The following RANBP2 variants were observed in gnomAD, a reference collection of about 807,000 sequenced individuals.
RANBP2 encodes the protein RAN binding protein 2.
Under a neutral mutation model 303.6 loss-of-function variants are expected in RANBP2, and 57 were observed. That is an observed-to-expected ratio of 0.19 (90% CI 0.15 to 0.23). RANBP2 has a LOEUF of 0.23. Among genes scored for constraint, RANBP2 ranks in the 10% least tolerant of loss-of-function variants. RANBP2 has a pLI of 1.00. For missense variants in RANBP2, 3,138 were observed against 3,780.8 expected, an observed-to-expected ratio of 0.83 and a Z score of 4.46; for synonymous variants, 1,167 against 1,301.5, an observed-to-expected ratio of 0.90 and a Z score of 2.23.
the RANBP2 span, among the ~76,000 whole-genome samples, chr2:108,842,849 A>T: frequency 6.6e-6 from 1 of 152,226 alleles, no homozygotes; most frequent in Non-Finnish European, 1.5e-5. Context: ...CTACAACATT[A>T]TGTAGAACTT....
At chr2:108,720,765 G>C (rs1401121693) in intron 1 of RANBP2, among the ~76,000 whole-genome samples, 4 of 152,266 alleles carry the variant, frequency 2.6e-5, no homozygotes, top group Non-Finnish European at 5.9e-5. Flanking sequence ...AAGGATATTG[G>C]CGGGGCGCAG....
chr2:108,835,102 A>G, the RANBP2 span, among the ~76,000 whole-genome samples: 1 of 152,230 alleles, frequency 6.6e-6, no homozygotes, highest in African/African-American at 2.4e-5. Context: ...CTGTGTTGGA[A>G]TGGAGATCTC....
At chr2:109,129,350 GGTCCCCGCCACGCAGGC>G in the RANBP2 span, 1 of 851,268 alleles carries the variant, frequency 1.2e-6, no homozygotes, top group Middle Eastern at 3.3e-4. Context: ...CACGCAGGCC[GGTCCCCGCCACGCAGGC>G]CGGTCGGTGA....
the RANBP2 span, among the ~76,000 whole-genome samples, chr2:109,713,132 A>G: frequency 1.3e-5 from 2 of 152,134 alleles, no homozygotes; most frequent in Non-Finnish European, 2.9e-5. Flanking sequence ...TGGCCACCTG[A>G]CATTTCACAT....
chr2:108,742,934 A>T (rs916250542), intron 7 of RANBP2, among the ~76,000 whole-genome samples: 1 of 151,718 alleles, frequency 6.6e-6, no homozygotes, highest in Non-Finnish European at 1.5e-5. Flanking sequence ...GACTACAGGC[A>T]CCCACCACCA....
chr2:109,097,506 C>T, the RANBP2 span, among the ~76,000 whole-genome samples: 3 of 151,882 alleles, frequency 2.0e-5, no homozygotes, highest in Non-Finnish European at 2.9e-5. Context: ...AGCCTTATTG[C>T]TTGCCTTTCG....
the RANBP2 span, among the ~76,000 whole-genome samples, chr2:109,597,518 A>G: frequency 1.3e-5 from 2 of 152,178 alleles, no homozygotes; most frequent in Admixed American, 1.3e-4. Flanking sequence ...GGTGACCACA[A>G]TCTCGTTTCA....
chr2:108,785,388 A>G lies in RANBP2; in HGVS notation c.*1487A>G, dbSNP rs549801091. The G allele has an allele frequency of 6.6e-6, 1 of 152,362 alleles. No individual in the cohort carries two copies. The highest frequency in any genetic ancestry group is 1.5e-5 in the Non-Finnish European group (1 of 68,026). 9.4% of individuals were successfully genotyped at this position (152,362 alleles called of 1,614,324 possible). On this transcript the variant is annotated 3_prime_UTR_variant, in exon 29 of 29. Transcript: ENST00000283195. Reference sequence around the variant, plus strand: ...GCTTATTTGGAAATCTATGTAATATAAACTGATGTAAAGTGTGTTGTAACT... The same window carrying G: ...GCTTATTTGGAAATCTATGTAATATGAACTGATGTAAAGTGTGTTGTAACT...
intron 1 of RANBP2, 121 bp from the exon 2 acceptor site, chr2:108,729,011 C>T: frequency 1.6e-6 from 2 of 1,252,006 alleles, no homozygotes; most frequent in Non-Finnish European, 2.2e-6. Context: ...TTTAAAAAAA[C>T]TTTTAAGTGA....
the RANBP2 span, among the ~76,000 whole-genome samples, chr2:109,023,446 G>A: frequency 1.3e-5 from 2 of 152,188 alleles, no homozygotes; most frequent in Admixed American, 1.3e-4. Context: ...ACTGAGATGA[G>A]GTTTAAAATA....
the RANBP2 span, among the ~76,000 whole-genome samples, chr2:109,631,768 AAAAG>A: frequency 0.049 from 7,453 of 152,168 alleles, 588 homozygotes; most frequent in African/African-American, 0.17. Flanking sequence ...AAAAAAAAGA[AAAAG>A]AAAGAAATCT....
chr2:109,530,073 A>T, the RANBP2 span, among the ~76,000 whole-genome samples: 1 of 152,210 alleles, frequency 6.6e-6, no homozygotes, highest in Non-Finnish European at 1.5e-5. Flanking sequence ...ACAGTTCTTA[A>T]AAAAGAAATA....
At chr2:109,585,741 C>G in the RANBP2 span, 1 of 1,612,966 alleles carries the variant, frequency 6.2e-7, no homozygotes, top group Non-Finnish European at 8.5e-7. Context: ...AATATTAAAG[C>G]AGAAACCTTG....
chr2:109,334,762 G>A, the RANBP2 span, among the ~76,000 whole-genome samples: 1 of 133,876 alleles, frequency 7.5e-6, no homozygotes, highest in Non-Finnish European at 1.6e-5. Context: ...AGAGGCTGCT[G>A]AAGGAGTTTG....
the RANBP2 span, among the ~76,000 whole-genome samples, chr2:109,198,779 C>A: frequency 2.6e-5 from 4 of 152,168 alleles, no homozygotes; most frequent in Non-Finnish European, 5.9e-5. Context: ...GATACCAAAC[C>A]TAGGAAGTAC....
chr2:108,782,144 GAGA>G lies in RANBP2; in HGVS notation c.8784_8786del (p.Glu2928del). ...CTATTATAGGTAGAAGTAAAATCTGGAGAAGAAGATGAAGAAATTTTGTTTAAA... is the reference window on the plus strand; with the variant it reads ...CTATTATAGGTAGAAGTAAAATCTGGAGAAGATGAAGAAATTTTGTTTAAA... On this transcript the variant is annotated inframe_deletion, in exon 27 of 29. Coordinates refer to ENST00000283195, the MANE Select transcript of RANBP2 (RefSeq NM_006267.5). 2 of 1,614,076 alleles carry G rather than the reference GAGA, an allele frequency of 1.2e-6. No individual in the cohort carries two copies. The highest frequency in any genetic ancestry group is 1.7e-6 in the Non-Finnish European group (2 of 1,179,986).
chr2:108,722,000 G>A (rs1400880894), intron 1 of RANBP2, among the ~76,000 whole-genome samples: 2 of 150,874 alleles, frequency 1.3e-5, no homozygotes, highest in African/African-American at 4.9e-5. Flanking sequence ...GGCCCCAAGT[G>A]CTGAGATTAC....
At chr2:109,275,107 T>A in the RANBP2 span, among the ~76,000 whole-genome samples, 1 of 152,292 alleles carries the variant, frequency 6.6e-6, no homozygotes, top group Non-Finnish European at 1.5e-5. Flanking sequence ...GAAAATGTGT[T>A]CCACGCTTGT....
chr2:108,751,997 G>A lies in RANBP2; in HGVS notation c.1755+3G>A. 6.2e-7 allele frequency: 1 copy of A among 1,611,830 alleles called. No individual in the cohort carries two copies. The highest frequency in any genetic ancestry group is 8.5e-7 in the Non-Finnish European group (1 of 1,179,826). Reference sequence around the variant, plus strand: ...GGGCAGAATGCCTTCAGAAAACGGTGAGTTTTAAAGTATAAGCATTTTTAA... The same window carrying A: ...GGGCAGAATGCCTTCAGAAAACGGTAAGTTTTAAAGTATAAGCATTTTTAA... On this transcript the variant is annotated splice_donor_region_variant and intron_variant, in intron 12 of 28. Transcript: ENST00000283195.
Sources: gnomAD v4.1 joint callset for allele counts (sites outside exome capture counted in the v4.1 genomes callset) on GRCh38, gnomAD v4.1.1 for gene constraint, MANE v1.5 for transcripts, NCBI Gene and HGNC (gene_info 2026-07-23, HGNC 2026-07-21) for gene names.